The following M1AP variants were observed in gnomAD, a reference collection of about 807,000 sequenced individuals.
M1AP encodes the protein meiosis 1 arrest protein.
A neutral mutation model predicts 51.2 loss-of-function variants in M1AP; 39 were observed. That is an observed-to-expected ratio of 0.76 (90% CI 0.59 to 1.00). The LOEUF (loss-of-function observed/expected upper bound fraction) is 1.00, where lower values mean the gene tolerates loss of function less well. Ranked by LOEUF, M1AP falls within the 50% of genes least tolerant of loss-of-function variation. The probability of loss-of-function intolerance (pLI) is 0.00; values close to 1 mark genes in which losing one functional copy is unlikely to be tolerated. For missense variants in M1AP, 545 were observed against 641.2 expected (o/e 0.85, Z 1.62); for synonymous variants, 251 against 249.2 (o/e 1.01, Z -0.07).
At position 74,609,220 on chromosome 2, in the gene M1AP, T is replaced by TCTG. The variant is rs1312390711; in HGVS notation, c.427-1998_427-1997insCAG. On this transcript the variant is annotated intron_variant, in intron 3 of 10. Coordinates refer to ENST00000421985, the MANE Select transcript of M1AP (RefSeq NM_001321739.2). ...CCTCTCCTCATGCACCCTTCCCCCC[T>TCTG]ATCCTCAGCCTCTGATAACCACTAT... 4.7e-3 allele frequency among the ~76,000 whole-genome samples: 709 copies of TCTG among 152,234 alleles called. 7 individuals carry two copies. The highest frequency in any genetic ancestry group is 0.016 in the African/African-American group (680 of 41,534).
chr2:74,560,021 G>A (rs1252572655), intron 9 of M1AP, 130 bp downstream of exon 9: 2 of 1,016,650 alleles, frequency 2.0e-6, no homozygotes, highest in Non-Finnish European at 2.9e-6. Context: ...CACCAGGGGT[G>A]GATCCTGGAG....
intron 2 of M1AP, among the ~76,000 whole-genome samples, chr2:74,634,417 A>G (rs1682861107): frequency 6.6e-6 from 1 of 152,206 alleles, no homozygotes; most frequent in Non-Finnish European, 1.5e-5. Context: ...GGTTTTAAAT[A>G]TGTATACAAA....
intron 3 of M1AP, among the ~76,000 whole-genome samples, chr2:74,608,111 T>C (rs1259268659): frequency 6.6e-6 from 1 of 152,102 alleles, no homozygotes; most frequent in African/African-American, 2.4e-5. Flanking sequence ...CAGATTACAT[T>C]AGGGTTGACT....
intron 1 of M1AP, 136 bp from the exon 2 acceptor site, chr2:74,640,463 A>ATTTT (rs757761825): frequency 1.3e-5 from 7 of 518,704 alleles, no homozygotes; most frequent in Non-Finnish European, 1.6e-5. Context: ...AGGCCATCCT[A>ATTTT]TTTTTTTTTT....
intron 1 of M1AP, among the ~76,000 whole-genome samples, chr2:74,646,915 T>C (rs1340572134): frequency 6.6e-6 from 1 of 152,234 alleles, no homozygotes; most frequent in African/African-American, 2.4e-5. Context: ...GTATTTTAAA[T>C]GAGGTAAGAG....
Position 74,575,555 on chromosome 2 carries a change from G to A in M1AP, c.957C>T (p.Cys319=), listed in dbSNP as rs575443272. Residue 319 remains cysteine (C), a synonymous_variant, in exon 7 of 11, where the codon TGC becomes TGT. Coordinates refer to ENST00000421985, the MANE Select transcript of M1AP (RefSeq NM_001321739.2). ...ACGGGAGTCCATATGTCAATGACTCGCAGAGCCCGCTAGATTTTAAAGCCC... is the reference window on the plus strand; with the variant it reads ...ACGGGAGTCCATATGTCAATGACTCACAGAGCCCGCTAGATTTTAAAGCCC... ...VIKALKSSGL[C]ESLTYGLPFI... is the part of the protein sequence containing the mutation. 40 of 1,613,950 alleles carry A rather than the reference G, an allele frequency of 2.5e-5. No individual in the cohort carries two copies. The highest frequency in any genetic ancestry group is 1.8e-4 in the East Asian group (8 of 44,884).
At chr2:74,592,751 C>T (rs1424293273) in intron 4 of M1AP, among the ~76,000 whole-genome samples, 7 of 152,038 alleles carry the variant, frequency 4.6e-5, no homozygotes, top group African/African-American at 1.4e-4. Context: ...AGAAATTCAC[C>T]AATGTTTTCT....
intron 4 of M1AP, among the ~76,000 whole-genome samples, chr2:74,583,457 C>T (rs372267216): frequency 1.3e-5 from 2 of 152,110 alleles, no homozygotes; most frequent in Non-Finnish European, 2.9e-5. Flanking sequence ...CTTCCAGCTT[C>T]GGGCAACACT....
intron 4 of M1AP, among the ~76,000 whole-genome samples, chr2:74,593,346 A>G (rs1680153229): frequency 6.6e-6 from 1 of 152,206 alleles, no homozygotes; most frequent in East Asian, 1.9e-4. Context: ...TTTCTTGTAA[A>G]AAACAGCTAT....
At position 74,629,766 on chromosome 2, in the gene M1AP, T is replaced by A. The variant is rs570577545; in HGVS notation, c.240+10270A>T. On this transcript the variant is annotated intron_variant, in intron 2 of 10. Transcript: ENST00000421985. Reference sequence around the variant, plus strand: ...GATTCTGTCTCAAAAAAAAAAAATGTATAAAATTACCTTCAGATGGTGTAT... The same window carrying A: ...GATTCTGTCTCAAAAAAAAAAAATGAATAAAATTACCTTCAGATGGTGTAT... 2.6e-4 allele frequency among the ~76,000 whole-genome samples: 40 copies of A among 151,866 alleles called. No homozygotes were observed. In the East Asian group the frequency reaches 7.2e-3, roughly 27 times the overall value.
chr2:74,567,803 AC>A (rs1159826001), intron 7 of M1AP, among the ~76,000 whole-genome samples: 1 of 152,252 alleles, frequency 6.6e-6, no homozygotes, highest in African/African-American at 2.4e-5. Context: ...AGTGACATTT[AC>A]GGGAGTGGTG....
At chr2:74,597,842 G>C (rs1680430229) in intron 4 of M1AP, among the ~76,000 whole-genome samples, 1 of 152,080 alleles carries the variant, frequency 6.6e-6, no homozygotes. Flanking sequence ...TTTTAGTTTT[G>C]ACATATTTAT....
rs140797285 is a variant in M1AP, at chr2:74,607,147, G to C, written c.503C>G (p.Ala168Gly). Residue 168 changes from alanine (A) to glycine (G), a missense_variant, in exon 4 of 11, where the codon GCC (alanine) becomes GGC (glycine). Transcript: ENST00000421985. ...AACGACCTGAAACCTCCTGACTCTG[G>C]CTAGGTCTGTATCTTTCAACCCTTC... ...LEEGLKDTDL[A>G]RVRRFQVVEV... 24 of 1,614,078 alleles carry C rather than the reference G, an allele frequency of 1.5e-5. No individual in the cohort carries two copies. The highest frequency in any genetic ancestry group is 1.4e-5 in the Non-Finnish European group (17 of 1,179,994).
At chr2:74,623,505 A>T (rs1208292120) in intron 2 of M1AP, among the ~76,000 whole-genome samples, 2 of 143,458 alleles carry the variant, frequency 1.4e-5, no homozygotes, top group African/African-American at 5.2e-5. Context: ...TCTGTCTATA[A>T]AAAAAAAAAA....
Position 74,629,977 on chromosome 2 carries a change from G to C in M1AP, c.240+10059C>G, listed in dbSNP as rs976987985. Reference sequence around the variant, plus strand: ...TTTTTTTAAGACAAGGCCTTGCTCTGTTGCCTAGGCTGGAGTGCAGTGGCA... The same window carrying C: ...TTTTTTTAAGACAAGGCCTTGCTCTCTTGCCTAGGCTGGAGTGCAGTGGCA... On this transcript the variant is annotated intron_variant, in intron 2 of 10. Coordinates refer to ENST00000421985, the MANE Select transcript of M1AP (RefSeq NM_001321739.2). Among the ~76,000 whole-genome samples the C allele has an allele frequency of 2.1e-5, 3 of 143,844 alleles. No individual in the cohort carries two copies. The East Asian group carries it at 6.0e-4, about 29-fold the overall frequency. 94.4% of individuals were successfully genotyped at this position (143,844 alleles called of 152,430 possible).
chr2:74,569,648 T>C (rs1209009484), intron 7 of M1AP, among the ~76,000 whole-genome samples: 3 of 151,966 alleles, frequency 2.0e-5, no homozygotes, highest in Non-Finnish European at 4.4e-5. Flanking sequence ...GTGCTGGGAT[T>C]ACAGGTGTGA....
intron 4 of M1AP, among the ~76,000 whole-genome samples, chr2:74,585,066 C>T (rs2104604957): frequency 6.6e-6 from 1 of 152,084 alleles, no homozygotes; most frequent in East Asian, 1.9e-4. Flanking sequence ...TGGTCTCAAA[C>T]TCCTGAGCTC....
intron 10 of M1AP, 110 bp from the exon 11 acceptor site, chr2:74,558,984 G>A (rs1405865510): frequency 3.7e-6 from 4 of 1,080,340 alleles, no homozygotes; most frequent in Non-Finnish European, 5.1e-6. Context: ...ATTCCCTGGA[G>A]TGACAGCCTC....
chr2:74,628,848 T>G (rs1211860138), intron 2 of M1AP: 1 of 441,186 alleles, frequency 2.3e-6, no homozygotes, highest in East Asian at 5.4e-5. Flanking sequence ...ACTGAATATC[T>G]GATTTTTGGA....
Sources: allele counts gnomAD v4.1 joint callset (sites outside exome capture counted in the v4.1 genomes callset), GRCh38; gene constraint gnomAD v4.1.1; transcripts MANE v1.5; gene names NCBI Gene and HGNC (gene_info 2026-07-23, HGNC 2026-07-21).